ZBTB44: variants seen among roughly 807,000 people sequenced by gnomAD.
ZBTB44 encodes zinc finger and BTB domain-containing protein 44.
ZBTB44 carries 15 observed loss-of-function variants against 54.0 expected under a neutral mutation model. The observed-to-expected ratio is 0.28, with a 90% confidence interval of 0.19 to 0.43. The LOEUF is 0.43. ZBTB44 is among the 20% of genes least tolerant of loss of function. The probability of loss-of-function intolerance (pLI) is 1.00; values close to 1 mark genes in which losing one functional copy is unlikely to be tolerated. For synonymous variants in ZBTB44, 230 were observed against 250.1 expected (o/e 0.92, Z 0.76); for missense variants, 487 against 707.1 (o/e 0.69, Z 3.53).
chr11:130,265,858 A>T (rs1291081838), intron 1 of ZBTB44, among the ~76,000 whole-genome samples: 1 of 152,226 alleles, frequency 6.6e-6, no homozygotes, highest in Non-Finnish European at 1.5e-5. Context: ...CATGAGGTTG[A>T]AGGAAAGAAG....
At chr11:130,295,882 G>C in intron 1 of ZBTB44, 1 of 1,452,018 alleles carries the variant, frequency 6.9e-7, no homozygotes, top group Non-Finnish European at 9.6e-7. Context: ...GACTCACCAC[G>C]TGCATACCTA....
intron 7 of ZBTB44, chr11:130,232,471 A>T (rs1054746575): frequency 2.6e-5 from 4 of 152,208 alleles, no homozygotes; most frequent in African/African-American, 9.7e-5. Context: ...AGAAAGTTTC[A>T]TATTTTTAGC....
intron 1 of ZBTB44, among the ~76,000 whole-genome samples, chr11:130,305,886 A>T (rs1318663232): frequency 6.6e-6 from 1 of 152,190 alleles, no homozygotes. Context: ...CAAGGAATAC[A>T]AACAAACCAG....
At position 130,262,807 on chromosome 11, in the gene ZBTB44, C is replaced by T. The variant is rs565600503; in HGVS notation, c.-56-878G>A. 7.2e-5 allele frequency among the ~76,000 whole-genome samples: 11 copies of T among 152,222 alleles called. No homozygotes were observed. In the East Asian group the frequency reaches 2.1e-3, roughly 30 times the overall value. On this transcript the variant is annotated intron_variant, in intron 1 of 7. Transcript: ENST00000357899. The stretch of plus-strand genomic sequence containing the variant: ...GTGTGGTGGCTCACGTCTGTAATCC[C>T]AGCACTTTGGGAGGCCAAGGCAGGC...
In ZBTB44 at chr11:130,231,703, C is replaced by G. The variant is rs376548228; in HGVS notation, c.*61G>C. On this transcript the variant is annotated 3_prime_UTR_variant, in exon 8 of 8. Transcript: ENST00000357899. ...TTCTTTCCTCTTGCTCTTTCAAAAACCACCTCTTGGAACTAAGGGTAACAA... is the reference window on the plus strand; with the variant it reads ...TTCTTTCCTCTTGCTCTTTCAAAAAGCACCTCTTGGAACTAAGGGTAACAA... 3 of 152,126 alleles carry G rather than the reference C, an allele frequency of 2.0e-5. No homozygotes were observed. Among genetic ancestry groups the G allele is most frequent in the Admixed American group, 2.0e-4 (3 of 15,260 alleles). 9.4% of individuals were successfully genotyped at this position (152,126 alleles called of 1,614,324 possible).
intron 2 of ZBTB44, among the ~76,000 whole-genome samples, chr11:130,246,880 G>A (rs1203209012): frequency 2.0e-5 from 3 of 151,986 alleles, no homozygotes; most frequent in African/African-American, 4.8e-5. Flanking sequence ...TATTTAAAGC[G>A]AGACTAAAAA....
chr11:130,243,767 T>C (rs1489523735), intron 2 of ZBTB44, among the ~76,000 whole-genome samples: 3 of 152,258 alleles, frequency 2.0e-5, no homozygotes, highest in African/African-American at 7.2e-5. Context: ...TTTTCTAAAA[T>C]GATTGTACTA....
chr11:130,266,165 C>T (rs1316379542), intron 1 of ZBTB44, among the ~76,000 whole-genome samples: 1 of 152,220 alleles, frequency 6.6e-6, no homozygotes, highest in Non-Finnish European at 1.5e-5. Context: ...TTCTGAAAAT[C>T]CTAGACCCCT....
At position 130,253,275 on chromosome 11, in the gene ZBTB44, A is replaced by C. The variant is rs143857757; in HGVS notation, c.1018+7581T>G. 9.0e-3 allele frequency among the ~76,000 whole-genome samples: 1,376 copies of C among 152,294 alleles called. 24 individuals carry two copies. The highest frequency in any genetic ancestry group is 0.03 in the African/African-American group (1,241 of 41,564). On this transcript the variant is annotated intron_variant, in intron 2 of 7. Transcript: ENST00000357899. Reference sequence around the variant, plus strand: ...TTCAATTACGAAAAGAGGAAGTCAAATTGTCCCTGTTTGCAGATGACATGA... The same window carrying C: ...TTCAATTACGAAAAGAGGAAGTCAACTTGTCCCTGTTTGCAGATGACATGA...
intron 2 of ZBTB44, among the ~76,000 whole-genome samples, chr11:130,251,619 T>C (rs1446724495): frequency 1.3e-5 from 2 of 152,128 alleles, no homozygotes; most frequent in Non-Finnish European, 2.9e-5. Context: ...GGGGCCAATA[T>C]TCAAATTCTT....
intron 1 of ZBTB44, among the ~76,000 whole-genome samples, chr11:130,287,675 T>TAA (rs1032269697): frequency 6.6e-6 from 1 of 152,166 alleles, no homozygotes; most frequent in African/African-American, 2.4e-5. Context: ...ACCTACATGA[T>TAA]AACTGATAAT....
At chr11:130,290,603 GTTAT>G (rs1431435189) in intron 1 of ZBTB44, among the ~76,000 whole-genome samples, 1 of 152,046 alleles carries the variant, frequency 6.6e-6, no homozygotes, top group Non-Finnish European at 1.5e-5. Flanking sequence ...AATCTTTACT[GTTAT>G]TTAAACTGTC....
chr11:130,289,235 C>A (rs1267772870), intron 1 of ZBTB44, among the ~76,000 whole-genome samples: 1 of 152,132 alleles, frequency 6.6e-6, no homozygotes, highest in Non-Finnish European at 1.5e-5. Context: ...GTAATCCCAG[C>A]ACTCTGGGAG....
chr11:130,282,118 AGTT>A (rs976959307), intron 1 of ZBTB44, among the ~76,000 whole-genome samples: 7 of 152,196 alleles, frequency 4.6e-5, no homozygotes, highest in African/African-American at 1.7e-4. Flanking sequence ...AATAAGCAGC[AGTT>A]AAGGTTATTT....
At chr11:130,265,620 A>C (rs1444060130) in intron 1 of ZBTB44, among the ~76,000 whole-genome samples, 1 of 152,224 alleles carries the variant, frequency 6.6e-6, no homozygotes, top group East Asian at 1.9e-4. Context: ...TCTTGAAGGA[A>C]ATTAAAAGTG....
chr11:130,293,283 G>A (rs1435430676), intron 1 of ZBTB44, among the ~76,000 whole-genome samples: 2 of 144,524 alleles, frequency 1.4e-5, no homozygotes, highest in African/African-American at 5.1e-5. Flanking sequence ...GCAACACAGA[G>A]AGAACTTGTC....
chr11:130,305,440 C>G (rs1487368776), intron 1 of ZBTB44, among the ~76,000 whole-genome samples: 1 of 152,018 alleles, frequency 6.6e-6, no homozygotes, highest in Non-Finnish European at 1.5e-5. Flanking sequence ...TAGAGAACCC[C>G]AAAATAAAGC....
intron 5 of ZBTB44, 140 bp downstream of exon 5, chr11:130,236,653 A>G: frequency 1.2e-6 from 1 of 848,110 alleles, no homozygotes; most frequent in Non-Finnish European, 1.6e-6. Flanking sequence ...AGGAGATTAG[A>G]GTATGAACAG....
intron 1 of ZBTB44, among the ~76,000 whole-genome samples, chr11:130,267,775 T>C (rs1009787955): frequency 6.6e-6 from 1 of 152,042 alleles, no homozygotes; most frequent in Non-Finnish European, 1.5e-5. Flanking sequence ...AGAGAAATCC[T>C]CGTGAAGGCC....
Sources: allele counts gnomAD v4.1 joint callset (sites outside exome capture counted in the v4.1 genomes callset), GRCh38; gene constraint gnomAD v4.1.1; transcripts MANE v1.5; gene names NCBI Gene and HGNC (gene_info 2026-07-23, HGNC 2026-07-21).